Variants in CAST observed in about 807,000 individuals in gnomAD.
The protein encoded by CAST is MIR583 host.
A neutral mutation model predicts 119.6 loss-of-function variants in CAST; 76 were observed. The observed-to-expected ratio is 0.64, with a 90% confidence interval of 0.53 to 0.77. CAST has a LOEUF of 0.77. Ranked by LOEUF, CAST falls within the 30% of genes least tolerant of loss-of-function variation. CAST has a pLI of 0.00. For synonymous variants in CAST, 319 were observed against 331.6 expected, an observed-to-expected ratio of 0.96 and a Z score of 0.41; for missense variants, 953 against 946.5, an observed-to-expected ratio of 1.01 and a Z score of -0.09.
At chr5:96,075,461 G>A in the CAST span, among the ~76,000 whole-genome samples, 1 of 152,066 alleles carries the variant, frequency 6.6e-6, no homozygotes, top group Admixed American at 6.6e-5. Flanking sequence ...GTGGTAACTG[G>A]CTTATCAATA....
chr5:95,975,884 A>T, the CAST span, among the ~76,000 whole-genome samples: 1 of 152,116 alleles, frequency 6.6e-6, no homozygotes, highest in Non-Finnish European at 1.5e-5. Flanking sequence ...TAAGTTAGCC[A>T]TGAATATAGT....
chr5:96,429,228 T>A, the CAST span: 4 of 1,544,396 alleles, frequency 2.6e-6, no homozygotes, highest in Non-Finnish European at 3.6e-6. Context: ...CATCATCAGA[T>A]AATCTCTTAG....
chr5:96,301,829 G>A, the CAST span, among the ~76,000 whole-genome samples: 12 of 152,202 alleles, frequency 7.9e-5, no homozygotes, highest in South Asian at 2.1e-4. Flanking sequence ...CTGTCACTGC[G>A]TGCCTGTGGC....
chr5:96,592,683 C>T (rs1268654243), intron 1 of CAST, among the ~76,000 whole-genome samples: 1 of 152,068 alleles, frequency 6.6e-6, no homozygotes, highest in African/African-American at 2.4e-5. Context: ...CACCTTCCTG[C>T]TTCTATTGTT....
At chr5:96,547,403 C>A (rs565357029) in intron 1 of CAST, among the ~76,000 whole-genome samples, 3 of 152,168 alleles carry the variant, frequency 2.0e-5, no homozygotes, top group Non-Finnish European at 4.4e-5. Context: ...TCTGAAGGCC[C>A]AAGGACCAGC....
chr5:96,410,665 C>T, the CAST span: 7 of 916,640 alleles, frequency 7.6e-6, no homozygotes, highest in Non-Finnish European at 1.1e-5. Flanking sequence ...CCAACTGAGA[C>T]ATCAAGCTTA....
At chr5:96,354,263 CTT>C in the CAST span, among the ~76,000 whole-genome samples, 1 of 152,136 alleles carries the variant, frequency 6.6e-6, no homozygotes, top group Non-Finnish European at 1.5e-5. Flanking sequence ...TTTTTAAAAA[CTT>C]TTAAAACATA....
At chr5:96,073,171 G>A in the CAST span, among the ~76,000 whole-genome samples, 2 of 152,284 alleles carry the variant, frequency 1.3e-5, no homozygotes, top group South Asian at 4.1e-4. Flanking sequence ...AGTATGACAT[G>A]TCCACATAAT....
At chr5:96,560,615 T>C (rs1276376624) in intron 1 of CAST, among the ~76,000 whole-genome samples, 2 of 152,244 alleles carry the variant, frequency 1.3e-5, no homozygotes, top group Non-Finnish European at 2.9e-5. Context: ...TCATCATTAC[T>C]GGCAATCAGA....
chr5:96,457,684 T>C, the CAST span, among the ~76,000 whole-genome samples: 1 of 152,240 alleles, frequency 6.6e-6, no homozygotes, highest in Non-Finnish European at 1.5e-5. Flanking sequence ...GACTCTCTTT[T>C]CTCTTCCAAT....
At chr5:96,685,146 T>C (rs1751933485) in intron 2 of CAST, among the ~76,000 whole-genome samples, 2 of 151,936 alleles carry the variant, frequency 1.3e-5, no homozygotes, top group South Asian at 2.1e-4. Context: ...CCTAAGATCT[T>C]AGGTCCCACC....
the CAST span, among the ~76,000 whole-genome samples, chr5:96,369,967 A>G: frequency 6.6e-6 from 1 of 152,154 alleles, no homozygotes; most frequent in Middle Eastern, 3.4e-3. Context: ...ATAAAAATGT[A>G]TGTCATGACT....
At chr5:96,577,039 T>C (rs2150188376) in intron 1 of CAST, among the ~76,000 whole-genome samples, 1 of 152,332 alleles carries the variant, frequency 6.6e-6, no homozygotes, top group South Asian at 2.1e-4. Flanking sequence ...TATGTCCATG[T>C]GTTCTCATTG....
At chr5:96,465,057 CAAT>C in the CAST span, among the ~76,000 whole-genome samples, 1 of 151,954 alleles carries the variant, frequency 6.6e-6, no homozygotes, top group African/African-American at 2.4e-5. Flanking sequence ...GTATATGTAT[CAAT>C]TATTTATTTA....
the CAST span, among the ~76,000 whole-genome samples, chr5:95,974,833 T>G: frequency 6.6e-6 from 1 of 152,324 alleles, no homozygotes; most frequent in Admixed American, 6.5e-5. Context: ...AAGAACAATA[T>G]AAGAAATATA....
At position 96,719,114 on chromosome 5, in the gene CAST, G is replaced by A. The variant is rs112958315; in HGVS notation, c.211-3525G>A. On this transcript the variant is annotated intron_variant, in intron 3 of 31. Coordinates refer to ENST00000675179, the MANE Select transcript of CAST (RefSeq NM_001750.7). ...TGTTCCATCAGCTACATGTAGTGGC[G>A]CAATGGATGAGCCCGCATCCTAGGA... is the stretch of plus-strand genomic sequence containing the variant. Among the ~76,000 whole-genome samples, 693 of 152,256 alleles carry A rather than the reference G, an allele frequency of 4.6e-3. 4 individuals are homozygous for A. The highest frequency in any genetic ancestry group is 0.016 in the African/African-American group (669 of 41,552).
intron 25 of CAST, 89 bp from the exon 26 acceptor site, chr5:96,765,132 C>A: frequency 2.7e-6 from 2 of 754,038 alleles, no homozygotes; most frequent in Non-Finnish European, 4.7e-6. Context: ...GAAACAGGTT[C>A]CCTCCTGAAA....
chr5:96,600,924 A>G (rs1747138080), intron 1 of CAST, among the ~76,000 whole-genome samples: 1 of 152,148 alleles, frequency 6.6e-6, no homozygotes, highest in Non-Finnish European at 1.5e-5. Context: ...CTCAAAACAT[A>G]CTAACCTCTG....
intron 22 of CAST, among the ~76,000 whole-genome samples, chr5:96,756,377 T>C (rs1172585035): frequency 6.6e-6 from 1 of 152,232 alleles, no homozygotes; most frequent in East Asian, 1.9e-4. Context: ...ACCTGAAGAA[T>C]GGTCAGAAGG....
Sources: allele counts gnomAD v4.1 joint callset (sites outside exome capture counted in the v4.1 genomes callset), GRCh38; gene constraint gnomAD v4.1.1; transcripts MANE v1.5; gene names NCBI Gene and HGNC (gene_info 2026-07-23, HGNC 2026-07-21).